The following ARHGEF10 variants were observed in gnomAD, a reference collection of about 807,000 sequenced individuals.
ARHGEF10 encodes Rho guanine nucleotide exchange factor 10, also known as Rho guanine nucleotide exchange factor (GEF) 10.
Under a neutral mutation model 147.4 loss-of-function variants are expected in ARHGEF10, and 140 were observed. The ratio of observed to expected loss-of-function variants is 0.95; its 90% CI spans 0.83 to 1.09. The LOEUF (loss-of-function observed/expected upper bound fraction) is 1.09, where lower values mean the gene tolerates loss of function less well. ARHGEF10 is among the 50% of genes least tolerant of loss of function. The pLI is 0.00. For missense variants in ARHGEF10, 2,222 were observed against 1,752.7 expected (o/e 1.27, Z -4.78); for synonymous variants, 902 against 695.8 (o/e 1.30, Z -4.67).
intron 27 of ARHGEF10, among the ~76,000 whole-genome samples, chr8:1,949,716 C>T (rs949258561): frequency 6.6e-6 from 1 of 151,798 alleles, no homozygotes; most frequent in Admixed American, 6.6e-5. Context: ...CCATGGACTA[C>T]ACCGTAAGGG....
At chr8:1,891,998 T>C (rs1809567652) in intron 11 of ARHGEF10, among the ~76,000 whole-genome samples, 2 of 148,694 alleles carry the variant, frequency 1.3e-5, no homozygotes, top group South Asian at 2.1e-4. Context: ...GGTACACATA[T>C]CAATAATATA....
chr8:1,835,326 G>A (rs924477902), intron 1 of ARHGEF10, among the ~76,000 whole-genome samples: 1 of 152,196 alleles, frequency 6.6e-6, no homozygotes, highest in African/African-American at 2.4e-5. Flanking sequence ...GAAACCACGC[G>A]GCAGCCCTGT....
chr8:1,900,978 G>T (rs1217853919), intron 15 of ARHGEF10, among the ~76,000 whole-genome samples: 1 of 152,030 alleles, frequency 6.6e-6, no homozygotes, highest in Admixed American at 6.6e-5. Flanking sequence ...TTTCCCTCAG[G>T]GACACTTTTT....
intron 6 of ARHGEF10, 128 bp downstream of exon 6, chr8:1,866,730 A>C: frequency 1.1e-6 from 1 of 947,396 alleles, no homozygotes; most frequent in Non-Finnish European, 1.7e-6. Context: ...TATTTACTGA[A>C]AATAGTAACA....
chr8:1,898,445 G>C lies in ARHGEF10; in HGVS notation c.1570G>C (p.Ala524Pro), dbSNP rs1007076189. The change falls in exon 15 of 29, where the codon GCC (alanine) becomes CCC (proline). Residue 524 changes from alanine (A) to proline (P), a missense_variant. By Grantham distance (27) the Ala-to-Pro change is conservative. Coordinates refer to ENST00000349830, the MANE Select transcript of ARHGEF10 (RefSeq NM_014629.4). ...FLEFLKQEQE[A>P]SPDRTTLYSL... ...CCTTCCCCCACAGCAGGAACAGGAGGCCAGCCCCGATCGAACCACGCTCTA... is the reference window on the plus strand; with the variant it reads ...CCTTCCCCCACAGCAGGAACAGGAGCCCAGCCCCGATCGAACCACGCTCTA... 6 of 1,613,898 alleles carry C rather than the reference G, an allele frequency of 3.7e-6. No homozygotes were observed. Among genetic ancestry groups the C allele is most frequent in the Non-Finnish European group, 4.2e-6 (5 of 1,180,032 alleles).
intron 27 of ARHGEF10, among the ~76,000 whole-genome samples, chr8:1,949,293 A>T (rs1463692945): frequency 6.6e-6 from 1 of 152,186 alleles, no homozygotes; most frequent in Admixed American, 6.5e-5. Flanking sequence ...TTCTATTTGG[A>T]ATTCACTTCT....
chr8:1,832,713 CAG>C (rs139017782), intron 1 of ARHGEF10, among the ~76,000 whole-genome samples: 17,029 of 108,050 alleles, frequency 0.16, 4,443 homozygotes, highest in Non-Finnish European at 0.22. Flanking sequence ...GAGGCAGAGA[CAG>C]AGGCAGAGAG....
At chr8:1,874,714 CA>C (rs1232429370) in intron 7 of ARHGEF10, among the ~76,000 whole-genome samples, 10 of 151,202 alleles carry the variant, frequency 6.6e-5, no homozygotes, top group East Asian at 3.9e-4. Context: ...TGCAGACACA[CA>C]CCGGGGTGTG....
intron 27 of ARHGEF10, among the ~76,000 whole-genome samples, chr8:1,950,079 C>G (rs1416954169): frequency 6.6e-6 from 1 of 152,174 alleles, no homozygotes; most frequent in Admixed American, 6.5e-5. Flanking sequence ...AGCAGCCGCT[C>G]AAGTGCAGTC....
chr8:1,837,161 G>A (rs757028709), intron 1 of ARHGEF10, among the ~76,000 whole-genome samples: 2 of 152,250 alleles, frequency 1.3e-5, no homozygotes, highest in Non-Finnish European at 2.9e-5. Flanking sequence ...TGAGACTTGT[G>A]TATGGGTCAG....
At chr8:1,919,018 T>C (rs1811982060) in intron 18 of ARHGEF10, among the ~76,000 whole-genome samples, 2 of 147,680 alleles carry the variant, frequency 1.4e-5, no homozygotes, top group Non-Finnish European at 3.0e-5. Context: ...GGAGGTGTTC[T>C]GTGGATATGG....
At chr8:1,873,594 G>A (rs1372003899) in intron 7 of ARHGEF10, among the ~76,000 whole-genome samples, 2 of 133,748 alleles carry the variant, frequency 1.5e-5, no homozygotes, top group Non-Finnish European at 3.2e-5. Flanking sequence ...GCATTTCCTA[G>A]TTGCCTTGAG....
At chr8:1,858,144 G>A (rs771776264) in intron 3 of ARHGEF10, 29 bp downstream of exon 3, 2 of 1,582,432 alleles carry the variant, frequency 1.3e-6, no homozygotes, top group Non-Finnish European at 8.6e-7. Flanking sequence ...CCCCAGGTGA[G>A]TCCCCAGGTG....
intron 2 of ARHGEF10, among the ~76,000 whole-genome samples, chr8:1,846,972 C>T (rs1281324963): frequency 6.6e-6 from 1 of 152,198 alleles, no homozygotes; most frequent in Non-Finnish European, 1.5e-5. Context: ...TAAGTGTCCT[C>T]CTCAGTGGCT....
intron 7 of ARHGEF10, chr8:1,871,081 C>G (rs972992811): frequency 1.9e-4 from 26 of 136,916 alleles, no homozygotes; most frequent in African/African-American, 6.6e-4. Context: ...CCACTGCTCT[C>G]CAGCCTGGGA....
intron 1 of ARHGEF10, among the ~76,000 whole-genome samples, chr8:1,841,812 G>GCCGCGACGGGAACTGGGT (rs1563161212): frequency 2.7e-5 from 3 of 110,242 alleles, no homozygotes; most frequent in Admixed American, 8.7e-5. Flanking sequence ...AGGAACTGGG[G>GCCGCGACGGGAACTGGGT]CCGCGGCGGG....
intron 24 of ARHGEF10, 107 bp from the exon 25 acceptor site, chr8:1,929,179 G>A (rs1812915356): frequency 7.1e-6 from 9 of 1,261,188 alleles, no homozygotes; most frequent in Middle Eastern, 2.4e-4. Context: ...AATGGAGAAG[G>A]AAGGGCAAGA....
intron 17 of ARHGEF10, 148 bp downstream of exon 17, chr8:1,905,864 T>A: frequency 1.1e-6 from 1 of 942,392 alleles, no homozygotes; most frequent in South Asian, 1.4e-5. Context: ...GGAACCCTTA[T>A]AATAAGCAAG....
chr8:1,876,634 G>C lies in ARHGEF10; in HGVS notation c.743G>C (p.Gly248Ala). Reference protein sequence around the residue: ...DEGGNSSLEYGWSSSEFESYE... With the variant: ...DEGGNSSLEYAWSSSEFESYE... ...GGTGGAAACAGCTCCTTGGAATACG[G>C]ATGGAGTTCGAGTGAATTTGAAAGT... is the stretch of plus-strand genomic sequence containing the variant. Residue 248 changes from glycine to alanine, a missense_variant, in exon 8 of 29, where the codon GGA becomes GCA. By Grantham distance (60) the Gly-to-Ala change is moderately conservative. Transcript: ENST00000349830. The C allele has an allele frequency of 2.5e-6, 4 of 1,614,236 alleles. No homozygotes were observed. Among genetic ancestry groups the C allele is most frequent in the Non-Finnish European group, 3.4e-6 (4 of 1,180,030 alleles).
Sources: gnomAD v4.1 joint callset for allele counts (sites outside exome capture counted in the v4.1 genomes callset) on GRCh38, gnomAD v4.1.1 for gene constraint, MANE v1.5 for transcripts, NCBI Gene and HGNC (gene_info 2026-07-23, HGNC 2026-07-21) for gene names.